ABHD2: variants seen among roughly 807,000 people sequenced by gnomAD.
The protein encoded by ABHD2 is abhydrolase domain containing 2, acylglycerol lipase, also known as monoacylglycerol lipase ABHD2.
In ABHD2, 20 loss-of-function variants were observed where a neutral mutation model predicts 48.1. That is an observed-to-expected ratio of 0.42 (90% CI 0.29 to 0.60). ABHD2 has a LOEUF of 0.60. Ranked by LOEUF, ABHD2 falls within the 20% of genes least tolerant of loss-of-function variation. The pLI, the probability that ABHD2 is intolerant of heterozygous loss-of-function variation, is 0.24. For synonymous variants in ABHD2, 209 were observed against 214.2 expected, an observed-to-expected ratio of 0.98 and a Z score of 0.21; for missense variants, 405 against 550.9, an observed-to-expected ratio of 0.74 and a Z score of 2.65.
intron 3 of ABHD2, among the ~76,000 whole-genome samples, chr15:89,125,340 G>A (rs1379540696): frequency 6.6e-6 from 1 of 152,066 alleles, no homozygotes; most frequent in Admixed American, 6.6e-5. Context: ...GTAGTGTTCT[G>A]ATGTGCTTAT....
Position 89,088,514 on chromosome 15 carries a change from CA to C in ABHD2, c.-155del, listed in dbSNP as rs1004594532. On this transcript the variant is annotated 5_prime_UTR_variant, in exon 1 of 11. It removes the in-frame stop codon of an upstream open reading frame in the 5' UTR. Coordinates refer to ENST00000352732, the MANE Select transcript of ABHD2 (RefSeq NM_152924.5). The surrounding 1 kb of genome is among the most constrained non-coding windows in gnomAD (Gnocchi z 6.8). Reference sequence around the variant, plus strand: ...AGCGCCGCTGGCAGCCGGGGAGCTGCAGGAACCAGACTGGGGGCGAGCTGAG... The same window carrying C: ...AGCGCCGCTGGCAGCCGGGGAGCTGCGGAACCAGACTGGGGGCGAGCTGAG... 1 of 152,734 alleles carries C rather than the reference CA, an allele frequency of 6.5e-6. No homozygotes were observed. The highest frequency in any genetic ancestry group is 2.4e-5 in the African/African-American group (1 of 41,482). 9.5% of individuals were successfully genotyped at this position (152,734 alleles called of 1,614,324 possible). A position where few individuals can be genotyped will look rare whatever the true frequency, so the allele number is the denominator to read the frequency against.
upstream of ABHD2, chr15:89,087,600 T>A (rs1175648913): frequency 6.6e-6 from 1 of 152,250 alleles, no homozygotes; most frequent in Non-Finnish European, 1.5e-5. The surrounding 1 kb of genome is among the most constrained non-coding windows in gnomAD (Gnocchi z 5.5). Flanking sequence ...AGAGTTTATT[T>A]AATCTTCTCA....
At chr15:89,183,382 A>AT (rs57264552) in intron 6 of ABHD2, 574 of 55,024 alleles carry the variant, frequency 0.01, 2 homozygotes, top group Admixed American at 0.019. Context: ...AAAAAAAAAA[A>AT]AAATATATAT....
the ABHD2 span, among the ~76,000 whole-genome samples, chr15:89,064,166 A>G: frequency 6.6e-6 from 1 of 150,984 alleles, no homozygotes; most frequent in South Asian, 2.1e-4. Flanking sequence ...TCCATGTTAT[A>G]GCATGTGTCA....
chr15:89,090,948 C>T (rs1201039149), intron 1 of ABHD2, among the ~76,000 whole-genome samples: 1 of 152,192 alleles, frequency 6.6e-6, no homozygotes, highest in Admixed American at 6.5e-5. Flanking sequence ...GCAGCGCCTG[C>T]CTGGCCTGGC....
the ABHD2 span, among the ~76,000 whole-genome samples, chr15:89,054,769 T>G: frequency 1.3e-5 from 2 of 152,132 alleles, no homozygotes; most frequent in South Asian, 4.1e-4. Context: ...TTTCTCAAAG[T>G]CTTTTATTCT....
the ABHD2 span, among the ~76,000 whole-genome samples, chr15:89,050,666 G>T: frequency 1.3e-5 from 2 of 152,202 alleles, no homozygotes; most frequent in Non-Finnish European, 2.9e-5. Context: ...ATGGGAGGTG[G>T]AGAGGAGAGG....
Position 89,201,624 on chromosome 15 carries a change from CAG to C in ABHD2, c.*6202_*6203del. On this transcript the variant is annotated 3_prime_UTR_variant, in exon 11 of 11. Coordinates refer to ENST00000352732, the MANE Select transcript of ABHD2 (RefSeq NM_152924.5). ...AATAATTCCACTGTTGGGCCTCACA[CAG>C]TACCGGTGAGGCACGGTAGTCTTCA... The C allele has an allele frequency of 6.3e-7, 1 of 1,591,368 alleles. No homozygotes were observed. Among genetic ancestry groups the C allele is most frequent in the Non-Finnish European group, 8.6e-7 (1 of 1,159,268 alleles).
intron 3 of ABHD2, among the ~76,000 whole-genome samples, chr15:89,139,374 A>G (rs758465256): frequency 2.6e-5 from 4 of 152,072 alleles, no homozygotes; most frequent in Non-Finnish European, 4.4e-5. Context: ...CCATAGTATC[A>G]TCCTATTCTA....
the ABHD2 span, among the ~76,000 whole-genome samples, chr15:89,048,901 C>G: frequency 7.2e-6 from 1 of 138,160 alleles, no homozygotes; most frequent in East Asian, 2.0e-4. Flanking sequence ...CTCAGCTCGT[C>G]AAAGTCATTT....
chr15:89,048,537 A>G, the ABHD2 span, among the ~76,000 whole-genome samples: 2 of 152,128 alleles, frequency 1.3e-5, no homozygotes, highest in African/African-American at 2.4e-5. Flanking sequence ...AGGTACACCA[A>G]TCAGACGTAG....
chr15:89,132,598 T>C (rs1470805064), intron 3 of ABHD2, among the ~76,000 whole-genome samples: 1 of 151,954 alleles, frequency 6.6e-6, no homozygotes, highest in Non-Finnish European at 1.5e-5. Flanking sequence ...AAGCTTCTAA[T>C]TTCTTATAGC....
chr15:89,041,743 G>A, the ABHD2 span, among the ~76,000 whole-genome samples: 4 of 152,202 alleles, frequency 2.6e-5, no homozygotes, highest in Admixed American at 6.5e-5. Context: ...CCCTCGGTCT[G>A]CCCTGCTGAC....
intron 3 of ABHD2, chr15:89,135,490 A>T: frequency 1.2e-6 from 1 of 865,268 alleles, no homozygotes. Flanking sequence ...GGAGTGAGTT[A>T]TGTACAGGTT....
chr15:89,058,111 C>T, the ABHD2 span, among the ~76,000 whole-genome samples: 11 of 152,162 alleles, frequency 7.2e-5, no homozygotes, highest in Non-Finnish European at 1.5e-4. Context: ...TCCATCCTTC[C>T]GCCTTGAGGT....
At chr15:89,194,107 G>T (rs2051352731) in intron 10 of ABHD2, among the ~76,000 whole-genome samples, 3 of 151,912 alleles carry the variant, frequency 2.0e-5, no homozygotes, top group Admixed American at 2.0e-4. Flanking sequence ...TAAATAAATA[G>T]TAAAAAATAA....
chr15:89,151,257 A>C lies in ABHD2; in HGVS notation c.195-420A>C, dbSNP rs1328113405. Among the ~76,000 whole-genome samples, 1 of 152,216 alleles carries C rather than the reference A, an allele frequency of 6.6e-6. No individual in the cohort carries two copies. The highest frequency in any genetic ancestry group is 1.5e-5 in the Non-Finnish European group (1 of 68,028). ...ACAGCTGTGGCCTGTCTCGTTAGGG[A>C]AAGAAGAAGTGAGCTTTTAGTGAGT... On this transcript the variant is annotated intron_variant, in intron 3 of 10. Coordinates refer to ENST00000352732, the MANE Select transcript of ABHD2 (RefSeq NM_152924.5). This position sits in a 1 kb window ranked among gnomAD's most constrained non-coding sequence, Gnocchi z 4.7.
chr15:89,179,770 G>C lies in ABHD2; in HGVS notation c.722+3775G>C, dbSNP rs2051076740. On this transcript the variant is annotated intron_variant, in intron 6 of 10. Coordinates refer to ENST00000352732, the MANE Select transcript of ABHD2 (RefSeq NM_152924.5). This position sits in a 1 kb window ranked among gnomAD's most constrained non-coding sequence, Gnocchi z 4.3. ...ACAGGACAGTAGGGGAATTATCAGA[G>C]GAGTGTTTCAAATCTCCTTAAAGGC... Among the ~76,000 whole-genome samples, 2 of 152,146 alleles carry C rather than the reference G, an allele frequency of 1.3e-5. No homozygotes were observed. Among genetic ancestry groups the C allele is most frequent in the Non-Finnish European group, 2.9e-5 (2 of 68,026 alleles).
At chr15:89,046,156 A>G in the ABHD2 span, among the ~76,000 whole-genome samples, 2 of 152,272 alleles carry the variant, frequency 1.3e-5, no homozygotes, top group East Asian at 3.9e-4. Context: ...TGAGATAATC[A>G]TGTGGTTTTT....
Sources: allele counts gnomAD v4.1 joint callset (sites outside exome capture counted in the v4.1 genomes callset), GRCh38; gene constraint gnomAD v4.1.1; non-coding constraint Gnocchi (gnomAD v3.1); transcripts MANE v1.5; gene names NCBI Gene and HGNC (gene_info 2026-07-23, HGNC 2026-07-21).